Variants in RAB40B observed in about 807,000 individuals in gnomAD.
RAB40B encodes the protein ras-related protein Rab-40B.
Under a neutral mutation model 24.0 loss-of-function variants are expected in RAB40B, and 21 were observed. That is an observed-to-expected ratio of 0.88 (90% confidence interval 0.62 to 1.26). RAB40B has a LOEUF of 1.26. RAB40B is among the 50% of genes most tolerant of loss of function. RAB40B has a pLI of 0.00. For synonymous variants in RAB40B, 167 were observed against 169.8 expected (o/e 0.98, Z 0.13); for missense variants, 348 against 390.5 (o/e 0.89, Z 0.92).
rs917270980 is a variant in RAB40B, at chr17:82,667,002, G to A, written c.143-2446C>T. 6.6e-6 allele frequency among the ~76,000 whole-genome samples: 1 copy of A among 152,212 alleles called. No homozygotes were observed. The highest frequency in any genetic ancestry group is 2.4e-5 in the African/African-American group (1 of 41,446). On this transcript the variant is annotated intron_variant, in intron 1 of 5. Transcript: ENST00000571995. The surrounding 1 kb of genome is among the most constrained non-coding windows in gnomAD (Gnocchi z 4.3). ...GCGCGCCGCTGAGAGGCCGAGGGGA[G>A]AAGCAGCGCCGAGGCTCGCACCAGA...
chr17:82,677,570 G>A (rs893727702), intron 1 of RAB40B, among the ~76,000 whole-genome samples: 4 of 152,154 alleles, frequency 2.6e-5, no homozygotes, highest in African/African-American at 7.2e-5. Context: ...CAGCCCTGAC[G>A]CCGCGTCTCT....
chr17:82,674,095 C>T (rs2046368563), intron 1 of RAB40B, among the ~76,000 whole-genome samples: 1 of 152,250 alleles, frequency 6.6e-6, no homozygotes, highest in African/African-American at 2.4e-5. Context: ...AATCCCAGCA[C>T]TTTGGGAGGC....
At chr17:82,669,046 A>G (rs2046299338) in intron 1 of RAB40B, among the ~76,000 whole-genome samples, 1 of 152,240 alleles carries the variant, frequency 6.6e-6, no homozygotes, top group Admixed American at 6.5e-5. Context: ...CCTTTTACAG[A>G]AAGGAAAATA....
rs544655071 is a variant in RAB40B at position 82,692,011 on chromosome 17, G to A, written c.142+6444C>T. On this transcript the variant is annotated intron_variant, in intron 1 of 5. Coordinates refer to ENST00000571995, the MANE Select transcript of RAB40B (RefSeq NM_006822.3). This position sits in a 1 kb window ranked among gnomAD's most constrained non-coding sequence, Gnocchi z 4.0. ...GGTAACCAGCAGAGCAGTGGGGCCC[G>A]CACGGTCCGTGGGCTGAGGTGACAG... Among the ~76,000 whole-genome samples, 202 of 151,476 alleles carry A rather than the reference G, an allele frequency of 1.3e-3. No homozygotes were observed. The highest frequency in any genetic ancestry group is 4.1e-3 in the African/African-American group (168 of 41,238).
At position 82,689,904 on chromosome 17, in the gene RAB40B, T is replaced by C. The variant is rs367606138; in HGVS notation, c.142+8551A>G. ...ATTGCTTGGACCCAGGAGGCGGAGG[T>C]TGCAGTGAACCGAGATCGTGCCACT... On this transcript the variant is annotated intron_variant, in intron 1 of 5. Transcript: ENST00000571995. Among the ~76,000 whole-genome samples, 15 of 150,820 alleles carry C rather than the reference T, an allele frequency of 9.9e-5. 1 individual carries two copies. In the South Asian group the frequency reaches 2.5e-3, roughly 25 times the overall value.
intron 1 of RAB40B, among the ~76,000 whole-genome samples, chr17:82,677,469 C>T (rs11653879): frequency 0.12 from 17,586 of 152,210 alleles, 1,255 homozygotes; most frequent in South Asian, 0.17. Flanking sequence ...CATCCTGCAG[C>T]GGCCAGCTCA....
rs2046565536 is a variant in RAB40B, at chr17:82,692,195, G to A, written c.142+6260C>T. ...AGCAGTGGGGCCCGCACGGTCCGTG[G>A]GCTGAGGTGACAGGCAGAGCAGTGG... On this transcript the variant is annotated intron_variant, in intron 1 of 5. Transcript: ENST00000571995. This position sits in a 1 kb window ranked among gnomAD's most constrained non-coding sequence, Gnocchi z 4.0. Among the ~76,000 whole-genome samples, 1 of 112,014 alleles carries A rather than the reference G, an allele frequency of 8.9e-6. No individual in the cohort carries two copies. Among genetic ancestry groups the A allele is most frequent in the Non-Finnish European group, 1.8e-5 (1 of 54,152 alleles). 73.5% of individuals were successfully genotyped at this position (112,014 alleles called of 152,430 possible).
At position 82,675,023 on chromosome 17, in the gene RAB40B, G is replaced by A. The variant is rs544908888; in HGVS notation, c.143-10467C>T. Among the ~76,000 whole-genome samples, 39 of 152,184 alleles carry A rather than the reference G, an allele frequency of 2.6e-4. No homozygotes were observed. Among genetic ancestry groups the A allele is most frequent in the African/African-American group, 8.9e-4 (37 of 41,512 alleles). On this transcript the variant is annotated intron_variant, in intron 1 of 5. Transcript: ENST00000571995. This position sits in a 1 kb window ranked among gnomAD's most constrained non-coding sequence, Gnocchi z 4.5. ...GAAGCTATTTTGAGTTAATTTTCTTGTTTGCACCAAAATGTCTGGTAGAAA... is the reference window on the plus strand; with the variant it reads ...GAAGCTATTTTGAGTTAATTTTCTTATTTGCACCAAAATGTCTGGTAGAAA...
chr17:82,692,630 G>A lies in RAB40B; in HGVS notation c.142+5825C>T, dbSNP rs1055602429. On this transcript the variant is annotated intron_variant, in intron 1 of 5. Coordinates refer to ENST00000571995, the MANE Select transcript of RAB40B (RefSeq NM_006822.3). The surrounding 1 kb of genome is among the most constrained non-coding windows in gnomAD (Gnocchi z 4.0). ...CATCCGACTGAAAAAAGTGTGTCTC[G>A]ATCCCTGCCTCAGGCCTCACCCCAG... Among the ~76,000 whole-genome samples the A allele has an allele frequency of 2.0e-5, 3 of 152,294 alleles. No homozygotes were observed. The highest frequency in any genetic ancestry group is 7.2e-5 in the African/African-American group (3 of 41,568).
chr17:82,685,992 C>T (rs1251209450), intron 1 of RAB40B, among the ~76,000 whole-genome samples: 4 of 151,576 alleles, frequency 2.6e-5, no homozygotes, highest in Admixed American at 6.6e-5. Context: ...TTAGTAGAGA[C>T]GGGGTTTCAC....
At position 82,665,065 on chromosome 17, in the gene RAB40B, C is replaced by T. The variant is rs553523863; in HGVS notation, c.143-509G>A. 1.1e-4 allele frequency among the ~76,000 whole-genome samples: 16 copies of T among 152,326 alleles called. No homozygotes were observed. The South Asian group carries it at 1.9e-3, about 18-fold the overall frequency. ...TACAGTAAAGACAGACGTGACGCTG[C>T]GTGGGATGCCCGCTCTCAGCTGTGT... On this transcript the variant is annotated intron_variant, in intron 1 of 5. Transcript: ENST00000571995.
rs1400866884 is a variant in RAB40B, at chr17:82,675,570, C to T, written c.143-11014G>A. Among the ~76,000 whole-genome samples, 2 of 152,196 alleles carry T rather than the reference C, an allele frequency of 1.3e-5. No homozygotes were observed. The highest frequency in any genetic ancestry group is 2.9e-5 in the Non-Finnish European group (2 of 68,040). On this transcript the variant is annotated intron_variant, in intron 1 of 5. Coordinates refer to ENST00000571995, the MANE Select transcript of RAB40B (RefSeq NM_006822.3). This position sits in a 1 kb window ranked among gnomAD's most constrained non-coding sequence, Gnocchi z 4.5. ...CATAAGCTAGGCAGCTCCTAAACAA[C>T]AGAAACTTGTCATCACAGTTCTGGA...
intron 1 of RAB40B, among the ~76,000 whole-genome samples, chr17:82,673,663 C>T (rs1024830607): frequency 6.6e-6 from 1 of 152,200 alleles, no homozygotes; most frequent in African/African-American, 2.4e-5. Flanking sequence ...TAAACTCATT[C>T]TTGACCCTCT....
chr17:82,668,493 C>T (rs1043092687), intron 1 of RAB40B, among the ~76,000 whole-genome samples: 1 of 152,262 alleles, frequency 6.6e-6, no homozygotes, highest in Non-Finnish European at 1.5e-5. Context: ...CAGCACTGAG[C>T]CACCCTCAGC....
At chr17:82,686,107 T>C (rs1435907061) in intron 1 of RAB40B, among the ~76,000 whole-genome samples, 2 of 143,204 alleles carry the variant, frequency 1.4e-5, no homozygotes, top group Non-Finnish European at 3.0e-5. Context: ...CAGCCTTCTT[T>C]TTTTTTTTTT....
chr17:82,672,794 T>C (rs570045212), intron 1 of RAB40B, among the ~76,000 whole-genome samples: 1 of 152,390 alleles, frequency 6.6e-6, no homozygotes, highest in Admixed American at 6.5e-5. Context: ...TGTGGTATTC[T>C]GTTACAGCAA....
At chr17:82,658,181 G>A in intron 5 of RAB40B, 47 bp from the exon 6 acceptor site, 2 of 1,581,770 alleles carry the variant, frequency 1.3e-6, no homozygotes, top group Non-Finnish European at 1.7e-6. Context: ...TCCCCACCTG[G>A]GCTGGGAATG....
rs1396318129 is a variant in RAB40B, at chr17:82,668,665, T to C, written c.143-4109A>G. 2.0e-5 allele frequency among the ~76,000 whole-genome samples: 3 copies of C among 152,210 alleles called. No individual in the cohort carries two copies. In the East Asian group the frequency reaches 5.8e-4, roughly 29 times the overall value. ...CTGTGCTCCACGACTGGAGCGGGCG[T>C]GGGGAGTGAGGAGAGGCCAGGCATT... On this transcript the variant is annotated intron_variant, in intron 1 of 5. Transcript: ENST00000571995.
chr17:82,681,314 T>C (rs1001499748), intron 1 of RAB40B, among the ~76,000 whole-genome samples: 1 of 152,102 alleles, frequency 6.6e-6, no homozygotes, highest in African/African-American at 2.4e-5. Flanking sequence ...GTAGGAAATA[T>C]TACATTTCTA....
Sources: gnomAD v4.1 joint callset for allele counts (sites outside exome capture counted in the v4.1 genomes callset) on GRCh38, gnomAD v4.1.1 for gene constraint, Gnocchi (gnomAD v3.1) non-coding constraint, MANE v1.5 for transcripts, NCBI Gene and HGNC (gene_info 2026-07-23, HGNC 2026-07-21) for gene names.